The following SLC22A23 variants were observed in gnomAD, a reference collection of about 807,000 sequenced individuals.
The protein encoded by SLC22A23 is ion transporter protein.
A neutral mutation model predicts 61.0 loss-of-function variants in SLC22A23; 26 were observed. That is an observed-to-expected ratio of 0.43 (90% CI 0.31 to 0.59). The LOEUF is 0.59. SLC22A23 is among the 20% of genes least tolerant of loss of function. The probability of loss-of-function intolerance (pLI) is 0.11; values close to 1 mark genes in which losing one functional copy is unlikely to be tolerated. For synonymous variants in SLC22A23, 430 were observed against 413.9 expected, an observed-to-expected ratio of 1.04 and a Z score of -0.47; for missense variants, 796 against 934.7, an observed-to-expected ratio of 0.85 and a Z score of 1.94.
intron 3 of SLC22A23, among the ~76,000 whole-genome samples, chr6:3,343,585 T>C (rs1449186739): frequency 1.3e-5 from 2 of 152,204 alleles, no homozygotes; most frequent in African/African-American, 4.8e-5. Flanking sequence ...AGACCAGCTC[T>C]TAACAAGCTA....
Position 3,324,015 on chromosome 6 carries a change from A to T in SLC22A23, c.914-13T>A. 1 of 1,612,650 alleles carries T rather than the reference A, an allele frequency of 6.2e-7. No homozygotes were observed. Among genetic ancestry groups the T allele is most frequent in the Non-Finnish European group, 8.5e-7 (1 of 1,178,822 alleles). On this transcript the variant is annotated splice_polypyrimidine_tract_variant and intron_variant, in intron 3 of 9. Coordinates refer to ENST00000406686, the MANE Select transcript of SLC22A23 (RefSeq NM_015482.2). This position sits in a 1 kb window ranked among gnomAD's most constrained non-coding sequence, Gnocchi z 4.3. ...CACAGCTCTATTCCTAGAACACAGAACCAATGAGAGAGAGATGAGTGCCCT... is the reference window on the plus strand; with the variant it reads ...CACAGCTCTATTCCTAGAACACAGATCCAATGAGAGAGAGATGAGTGCCCT...
chr6:3,425,179 T>G (rs1403018745), intron 1 of SLC22A23, among the ~76,000 whole-genome samples: 1 of 152,088 alleles, frequency 6.6e-6, no homozygotes, highest in Non-Finnish European at 1.5e-5. Flanking sequence ...CCACCAAACT[T>G]TTCTCTATTG....
Position 3,309,740 on chromosome 6 carries a change from G to A in SLC22A23, c.1083-11522C>T, listed in dbSNP as rs1364871159. On this transcript the variant is annotated intron_variant, in intron 4 of 9. Coordinates refer to ENST00000406686, the MANE Select transcript of SLC22A23 (RefSeq NM_015482.2). This position sits in a 1 kb window ranked among gnomAD's most constrained non-coding sequence, Gnocchi z 4.7. Reference sequence around the variant, plus strand: ...CCACGGTCACACAGAAGTACCTGCTGCCACAGGGATGGCTCTCCAATCACT... The same window carrying A: ...CCACGGTCACACAGAAGTACCTGCTACCACAGGGATGGCTCTCCAATCACT... 2.0e-5 allele frequency among the ~76,000 whole-genome samples: 3 copies of A among 152,234 alleles called. No individual in the cohort carries two copies. The highest frequency in any genetic ancestry group is 1.3e-4 in the Admixed American group (2 of 15,274).
In SLC22A23 at chr6:3,427,676, C is replaced by G. The variant is rs1014753165; in HGVS notation, c.655-11821G>C. The stretch of plus-strand genomic sequence containing the variant: ...AGCATCCTGGGAACAGCAACAGCTT[C>G]GTTTCCAACACTTCCTGCAATCATT... On this transcript the variant is annotated intron_variant, in intron 1 of 9. Transcript: ENST00000406686. This position sits in a 1 kb window ranked among gnomAD's most constrained non-coding sequence, Gnocchi z 4.3. 6.6e-6 allele frequency among the ~76,000 whole-genome samples: 1 copy of G among 151,990 alleles called. No homozygotes were observed. The highest frequency in any genetic ancestry group is 1.5e-5 in the Non-Finnish European group (1 of 68,010).
chr6:3,308,088 T>G lies in SLC22A23; in HGVS notation c.1083-9870A>C, dbSNP rs983426568. Among the ~76,000 whole-genome samples the G allele has an allele frequency of 6.6e-6, 1 of 152,094 alleles. No homozygotes were observed. Among genetic ancestry groups the G allele is most frequent in the African/African-American group, 2.4e-5 (1 of 41,408 alleles). ...CTGGGATAGAGGAAGGTGAAAAAAT[T>G]CTAGAAATGGATGGTGGAGATGGCT... On this transcript the variant is annotated intron_variant, in intron 4 of 9. Transcript: ENST00000406686. The surrounding 1 kb of genome is among the most constrained non-coding windows in gnomAD (Gnocchi z 5.1).
intron 3 of SLC22A23, among the ~76,000 whole-genome samples, chr6:3,344,722 ATAAG>A (rs1258479780): frequency 6.6e-6 from 1 of 152,242 alleles, no homozygotes; most frequent in African/African-American, 2.4e-5. Context: ...GCATATTGAA[ATAAG>A]TAAGCGTTAG....
rs1019826905 is a variant in SLC22A23, at chr6:3,327,350, C to T, written c.914-3348G>A. Among the ~76,000 whole-genome samples the T allele has an allele frequency of 6.6e-6, 1 of 152,248 alleles. No individual in the cohort carries two copies. The stretch of plus-strand genomic sequence containing the variant: ...TCCCGGTACTTACTAGAATCAATTT[C>T]TTTGCCAATGGAACCAAACCCAAAT... On this transcript the variant is annotated intron_variant, in intron 3 of 9. Transcript: ENST00000406686. The surrounding 1 kb of genome is among the most constrained non-coding windows in gnomAD (Gnocchi z 4.1).
chr6:3,446,324 C>T lies in SLC22A23; in HGVS notation c.654+9582G>A, dbSNP rs145806112. On this transcript the variant is annotated intron_variant, in intron 1 of 9. Transcript: ENST00000406686. ...GCCAATGGCCCTCCAGCTCAGCCTT[C>T]TCATCTAAACTGAAGGCTTGGACTA... Among the ~76,000 whole-genome samples, 454 of 152,318 alleles carry T rather than the reference C, an allele frequency of 3.0e-3. 2 individuals are homozygous for T. The highest frequency in any genetic ancestry group is 0.011 in the African/African-American group (437 of 41,564).
chr6:3,286,756 G>T lies in SLC22A23; in HGVS notation c.1546+103C>A, dbSNP rs1760046134. 3.0e-6 allele frequency: 3 copies of T among 1,016,634 alleles called. No individual in the cohort carries two copies. Among genetic ancestry groups the T allele is most frequent in the African/African-American group, 1.6e-5 (1 of 62,744 alleles). The allele number at this position is 1,016,634 out of a possible 1,614,324, so 63.0% of individuals were successfully genotyped here. ...CCCAAAGCAGCTCCTTCCAGCAGTA[G>T]ATTTTAGAGTGGCCAGCGGAGTCTT... On this transcript the variant is annotated intron_variant, in intron 7 of 9. Transcript: ENST00000406686. This position sits in a 1 kb window ranked among gnomAD's most constrained non-coding sequence, Gnocchi z 4.2.
chr6:3,438,456 T>C (rs1251449072), intron 1 of SLC22A23: 1 of 454,276 alleles, frequency 2.2e-6, no homozygotes, highest in South Asian at 1.6e-5. Flanking sequence ...GCCTGATCTA[T>C]TACTCAGCAA....
In SLC22A23 at chr6:3,318,184, T is replaced by C. The variant is rs1762750927; in HGVS notation, c.1082+5650A>G. The stretch of plus-strand genomic sequence containing the variant: ...GCGGCTGCTGCCTATTAACCAAGCC[T>C]TTGTATTTTCTGTATTTCCTAATGT... On this transcript the variant is annotated intron_variant, in intron 4 of 9. Transcript: ENST00000406686. The surrounding 1 kb of genome is among the most constrained non-coding windows in gnomAD (Gnocchi z 4.3). Among the ~76,000 whole-genome samples the C allele has an allele frequency of 6.6e-6, 1 of 152,154 alleles. No individual in the cohort carries two copies. The highest frequency in any genetic ancestry group is 2.4e-5 in the African/African-American group (1 of 41,410).
intron 3 of SLC22A23, among the ~76,000 whole-genome samples, chr6:3,337,711 G>A (rs1763936499): frequency 6.6e-6 from 1 of 152,172 alleles, no homozygotes; most frequent in African/African-American, 2.4e-5. Context: ...CAGGCTCGCA[G>A]AGGCCACAGG....
At chr6:3,314,730 T>TA (rs1220749548) in intron 4 of SLC22A23, among the ~76,000 whole-genome samples, 2 of 152,058 alleles carry the variant, frequency 1.3e-5, no homozygotes, top group East Asian at 1.9e-4. Context: ...TTCTTGAAAT[T>TA]AAAAAAAATA....
At chr6:3,290,200 G>A (rs1417989499) in intron 5 of SLC22A23, 10 of 387,196 alleles carry the variant, frequency 2.6e-5, no homozygotes, top group Admixed American at 4.1e-5. Context: ...TCTGAGTACA[G>A]AGCTCAGCGA....
chr6:3,306,016 C>T (rs1761947147), intron 4 of SLC22A23, among the ~76,000 whole-genome samples: 1 of 152,182 alleles, frequency 6.6e-6, no homozygotes, highest in South Asian at 2.1e-4. Context: ...TTATTTGGCT[C>T]ACAGTTCTGC....
intron 3 of SLC22A23, among the ~76,000 whole-genome samples, chr6:3,337,785 G>A (rs766341217): frequency 6.6e-6 from 1 of 152,252 alleles, no homozygotes; most frequent in Non-Finnish European, 1.5e-5. Flanking sequence ...ATTCGTGAAA[G>A]GAATGTGGAA....
chr6:3,438,777 T>A (rs1190938882), intron 1 of SLC22A23, among the ~76,000 whole-genome samples: 1 of 152,202 alleles, frequency 6.6e-6, no homozygotes, highest in Non-Finnish European at 1.5e-5. Context: ...CAAACATGCT[T>A]TCCTAGGTGG....
chr6:3,357,337 A>G (rs1312054825), intron 3 of SLC22A23, among the ~76,000 whole-genome samples: 1 of 152,138 alleles, frequency 6.6e-6, no homozygotes, highest in Non-Finnish European at 1.5e-5. Context: ...CAGCTTTCCT[A>G]ATTTTTATTT....
intron 9 of SLC22A23, 92 bp downstream of exon 9, chr6:3,283,760 G>A (rs1031625432): frequency 7.6e-6 from 12 of 1,580,612 alleles, no homozygotes; most frequent in Non-Finnish European, 9.5e-6. Flanking sequence ...AGACAGAGCT[G>A]ACGCTGGTTA....
Sources: allele counts gnomAD v4.1 joint callset (sites outside exome capture counted in the v4.1 genomes callset), GRCh38; gene constraint gnomAD v4.1.1; non-coding constraint Gnocchi (gnomAD v3.1); transcripts MANE v1.5; gene names NCBI Gene and HGNC (gene_info 2026-07-23, HGNC 2026-07-21).